Variants in THSD7B observed in about 807,000 individuals in gnomAD.
The protein encoded by THSD7B is thrombospondin type-1 domain-containing protein 7B.
THSD7B carries 138 observed loss-of-function variants against 213.6 expected under a neutral mutation model. The observed-to-expected ratio is 0.65, with a 90% confidence interval of 0.56 to 0.74. The LOEUF (loss-of-function observed/expected upper bound fraction) is 0.74, where lower values mean the gene tolerates loss of function less well. Among genes scored for constraint, THSD7B ranks in the 30% least tolerant of loss-of-function variants. THSD7B has a pLI of 0.00. For synonymous variants in THSD7B, 742 were observed against 687.0 expected (o/e 1.08, Z -1.25); for missense variants, 1,931 against 1,991.5 (o/e 0.97, Z 0.58).
chr2:137,315,527 C>T (rs538218737), intron 12 of THSD7B, among the ~76,000 whole-genome samples: 1 of 152,166 alleles, frequency 6.6e-6, no homozygotes, highest in Non-Finnish European at 1.5e-5. Flanking sequence ...CATCTTGGCT[C>T]CTCCCCCACT....
intron 12 of THSD7B, among the ~76,000 whole-genome samples, chr2:137,281,887 A>G (rs921265432): frequency 4.6e-5 from 7 of 152,206 alleles, no homozygotes; most frequent in Non-Finnish European, 8.8e-5. Flanking sequence ...TCTTTATAGC[A>G]GCATGATTTA....
intron 15 of THSD7B, among the ~76,000 whole-genome samples, chr2:137,518,282 T>G (rs1043961714): frequency 6.6e-6 from 1 of 152,058 alleles, no homozygotes; most frequent in African/African-American, 2.4e-5. Context: ...CACCCGAAAG[T>G]GGACAGCTGC....
chr2:137,077,196 G>A (rs1005813001), intron 3 of THSD7B, among the ~76,000 whole-genome samples: 4 of 152,034 alleles, frequency 2.6e-5, no homozygotes, highest in African/African-American at 9.7e-5. Flanking sequence ...TGGAGTATAT[G>A]TGCCATCTTT....
At chr2:137,105,664 T>C (rs991334285) in intron 4 of THSD7B, among the ~76,000 whole-genome samples, 15 of 152,214 alleles carry the variant, frequency 9.9e-5, no homozygotes, top group Non-Finnish European at 1.9e-4. Context: ...CCCCATTGTC[T>C]CAGCCCAAAA....
At chr2:137,172,533 T>G (rs1221293750) in intron 7 of THSD7B, among the ~76,000 whole-genome samples, 1 of 152,210 alleles carries the variant, frequency 6.6e-6, no homozygotes, top group Non-Finnish European at 1.5e-5. Context: ...CCCTGCACTC[T>G]GTCCCCCATA....
At chr2:137,558,724 C>A (rs1055100029) in intron 15 of THSD7B, among the ~76,000 whole-genome samples, 1 of 152,092 alleles carries the variant, frequency 6.6e-6, no homozygotes, top group Non-Finnish European at 1.5e-5. Context: ...GGCAATCAGG[C>A]AGGAGAAAGA....
intron 3 of THSD7B, among the ~76,000 whole-genome samples, chr2:137,086,757 C>T (rs6430675): frequency 0.39 from 59,435 of 152,014 alleles, 13,765 homozygotes; most frequent in African/African-American, 0.65. Context: ...CTCATGGTAA[C>T]CTGGAAAACA....
intron 20 of THSD7B, among the ~76,000 whole-genome samples, chr2:137,633,017 G>C (rs998008905): frequency 6.6e-6 from 1 of 152,154 alleles, no homozygotes; most frequent in African/African-American, 2.4e-5. Context: ...AATTACTGCT[G>C]CATCAATACC....
intron 15 of THSD7B, among the ~76,000 whole-genome samples, chr2:137,477,261 G>A (rs1688213599): frequency 6.6e-6 from 1 of 152,050 alleles, no homozygotes; most frequent in Non-Finnish European, 1.5e-5. Flanking sequence ...CATTGTATAT[G>A]ACTATTTTTC....
At chr2:136,798,829 C>G (rs1486888772) in intron 1 of THSD7B, among the ~76,000 whole-genome samples, 2 of 152,038 alleles carry the variant, frequency 1.3e-5, no homozygotes, top group African/African-American at 4.8e-5. Context: ...TTCCCATAAA[C>G]TCAAATTCCC....
At chr2:136,791,994 C>T (rs1681972896) in intron 1 of THSD7B, among the ~76,000 whole-genome samples, 1 of 152,014 alleles carries the variant, frequency 6.6e-6, no homozygotes, top group South Asian at 2.1e-4. Flanking sequence ...ATCCGACCAG[C>T]AGTGTATGAG....
chr2:137,307,906 A>G (rs894101709), intron 12 of THSD7B, among the ~76,000 whole-genome samples: 2 of 151,924 alleles, frequency 1.3e-5, no homozygotes, highest in African/African-American at 4.8e-5. Context: ...TAATACAAGG[A>G]GTCTTATAGG....
chr2:137,446,738 C>A (rs1687548870), intron 14 of THSD7B, among the ~76,000 whole-genome samples: 1 of 151,942 alleles, frequency 6.6e-6, no homozygotes, highest in Non-Finnish European at 1.5e-5. Flanking sequence ...GTGTAAAATA[C>A]TTTTTGGTAG....
chr2:137,614,113 TGC>T (rs1411953654), intron 17 of THSD7B, among the ~76,000 whole-genome samples: 4 of 152,094 alleles, frequency 2.6e-5, no homozygotes, highest in Admixed American at 2.0e-4. Flanking sequence ...GGGAGTAAGG[TGC>T]AGTGTTGGTT....
intron 2 of THSD7B, among the ~76,000 whole-genome samples, chr2:136,949,483 C>T (rs753256073): frequency 2.0e-5 from 3 of 152,186 alleles, no homozygotes; most frequent in Admixed American, 6.5e-5. Context: ...GTTGCCACTG[C>T]GTATTCTAGC....
chr2:137,022,105 GT>G (rs1392891913), intron 2 of THSD7B, among the ~76,000 whole-genome samples: 1 of 152,054 alleles, frequency 6.6e-6, no homozygotes. Context: ...AGACATCTGT[GT>G]TTTTTTCCAG....
intron 2 of THSD7B, among the ~76,000 whole-genome samples, chr2:136,974,364 C>T (rs1442468263): frequency 6.6e-6 from 1 of 151,978 alleles, no homozygotes; most frequent in Non-Finnish European, 1.5e-5. Flanking sequence ...CCCCGCCCCG[C>T]ACAGGCCCCA....
At chr2:137,546,397 ATATATATT>A (rs1558834246) in intron 15 of THSD7B, among the ~76,000 whole-genome samples, 665 of 38,928 alleles carry the variant, frequency 0.017, 117 homozygotes, top group African/African-American at 0.082. Flanking sequence ...TATATATATT[ATATATATT>A]ATATATATAT....
chr2:136,968,694 C>A (rs1685358430), intron 2 of THSD7B, among the ~76,000 whole-genome samples: 1 of 152,110 alleles, frequency 6.6e-6, no homozygotes, highest in Non-Finnish European at 1.5e-5. Flanking sequence ...TGAAGTTATG[C>A]AGATATTTCC....
Sources: gnomAD v4.1 joint callset for allele counts (sites outside exome capture counted in the v4.1 genomes callset) on GRCh38, gnomAD v4.1.1 for gene constraint, MANE v1.5 for transcripts, NCBI Gene and HGNC (gene_info 2026-07-23, HGNC 2026-07-21) for gene names.